Variants in MLLT10 observed in about 807,000 individuals in gnomAD.
The protein encoded by MLLT10 is MLLT10 histone lysine methyltransferase DOT1L cofactor.
In MLLT10, 30 loss-of-function variants were observed where a neutral mutation model predicts 129.1. The observed-to-expected ratio is 0.23, with a 90% CI of 0.17 to 0.32. MLLT10 has a LOEUF of 0.32. Ranked by LOEUF, MLLT10 falls within the 10% of genes least tolerant of loss-of-function variation. The probability of loss-of-function intolerance (pLI) is 1.00; values close to 1 mark genes in which losing one functional copy is unlikely to be tolerated. For missense variants in MLLT10, 1,119 were observed against 1,268.3 expected (o/e 0.88, Z 1.79); for synonymous variants, 490 against 446.4 (o/e 1.10, Z -1.23).
intron 8 of MLLT10, among the ~76,000 whole-genome samples, chr10:21,631,313 CAAAAAAAAAAAAA>C (rs991306894): frequency 2.1e-5 from 1 of 47,778 alleles, no homozygotes; most frequent in African/African-American, 6.8e-5. Context: ...GACTCCGTCT[CAAAAAAAAAAAAA>C]AAAAAAAAAG....
chr10:21,691,659 CAT>C (rs1400060022), intron 13 of MLLT10, among the ~76,000 whole-genome samples: 1 of 151,762 alleles, frequency 6.6e-6, no homozygotes, highest in African/African-American at 2.4e-5. Context: ...GCATAATAAA[CAT>C]AAGACATGAG....
rs757789787 is a variant in MLLT10, at chr10:21,742,007, G to GTTGTT, written c.*24_*25insTTGTT. The GTTGTT allele has an allele frequency of 7.2e-5, 116 of 1,610,610 alleles. No homozygotes were observed. In the African/African-American group the frequency reaches 1.4e-3, roughly 20 times the overall value. On this transcript the variant is annotated 3_prime_UTR_variant, in exon 23 of 23. Coordinates refer to ENST00000307729, the MANE Select transcript of MLLT10 (RefSeq NM_001195626.3). ...GACACCTGAGAAACATCTAGAAATT[G>GTTGTT]CCTATCCTGCTGTTCTAGCACTTCA...
At chr10:21,670,060 T>C (rs1249651185) in intron 9 of MLLT10, among the ~76,000 whole-genome samples, 2 of 152,144 alleles carry the variant, frequency 1.3e-5, no homozygotes, top group African/African-American at 4.8e-5. Flanking sequence ...CCTTCCTGTG[T>C]TGAATACTAA....
At chr10:21,641,490 G>C (rs547959265) in intron 8 of MLLT10, among the ~76,000 whole-genome samples, 2 of 152,112 alleles carry the variant, frequency 1.3e-5, no homozygotes, top group Non-Finnish European at 2.9e-5. Context: ...CTGTATAGAA[G>C]AACAACAGCA....
At chr10:21,605,976 G>A (rs1212378203) in intron 5 of MLLT10, among the ~76,000 whole-genome samples, 1 of 152,040 alleles carries the variant, frequency 6.6e-6, no homozygotes, top group Non-Finnish European at 1.5e-5. Flanking sequence ...GAGTAAGCAA[G>A]TCTATCGGTT....
At position 21,716,416 on chromosome 10, in the gene MLLT10, G is replaced by T. The variant is rs147800057; in HGVS notation, c.1878+2466G>T. Among the ~76,000 whole-genome samples the T allele has an allele frequency of 2.0e-3, 308 of 152,272 alleles. 1 individual carries two copies. Among genetic ancestry groups the T allele is most frequent in the African/African-American group, 7.0e-3 (290 of 41,548 alleles). On this transcript the variant is annotated intron_variant, in intron 14 of 22. Coordinates refer to ENST00000307729, the MANE Select transcript of MLLT10 (RefSeq NM_001195626.3). The stretch of plus-strand genomic sequence containing the variant: ...ATATTTAAAACGTAATTCTAGGCTG[G>T]GCGTGGTGGCTCATGCCTGTAATCC...
At chr10:21,555,733 T>TC (rs2037835886) in intron 3 of MLLT10, among the ~76,000 whole-genome samples, 1 of 151,108 alleles carries the variant, frequency 6.6e-6, no homozygotes, top group Non-Finnish European at 1.5e-5. Flanking sequence ...GCTGGTGTGA[T>TC]CTTGGGTCGC....
chr10:21,599,023 A>G (rs1360469550), intron 5 of MLLT10, among the ~76,000 whole-genome samples: 1 of 152,100 alleles, frequency 6.6e-6, no homozygotes, highest in African/African-American at 2.4e-5. Flanking sequence ...ACTAAAAAAT[A>G]CAAAAATTAG....
chr10:21,726,236 C>A lies in MLLT10; in HGVS notation c.1879-8C>A. 2.6e-6 allele frequency: 4 copies of A among 1,541,262 alleles called. No homozygotes were observed. Among genetic ancestry groups the A allele is most frequent in the Non-Finnish European group, 3.6e-6 (4 of 1,123,906 alleles). The stretch of plus-strand genomic sequence containing the variant: ...AATTCATTTATCATTGTAATTTTTT[C>A]CATTTAGGCAAATACTCTATCTGGA... On this transcript the variant is annotated splice_region_variant and splice_polypyrimidine_tract_variant and intron_variant, in intron 14 of 22. Transcript: ENST00000307729.
At chr10:21,557,001 G>T in intron 3 of MLLT10, 1 of 1,480,552 alleles carries the variant, frequency 6.8e-7, no homozygotes. Context: ...TTCTTACAGG[G>T]TTTTGTTTTA....
intron 8 of MLLT10, among the ~76,000 whole-genome samples, chr10:21,635,566 A>C (rs1170731884): frequency 2.6e-5 from 4 of 151,902 alleles, no homozygotes; most frequent in Non-Finnish European, 5.9e-5. Flanking sequence ...GTGTTTCATC[A>C]TGTTGGCCAG....
At chr10:21,541,589 T>C (rs1191028662) in intron 3 of MLLT10, among the ~76,000 whole-genome samples, 2 of 152,184 alleles carry the variant, frequency 1.3e-5, no homozygotes, top group Non-Finnish European at 2.9e-5. Context: ...TTTCACCATG[T>C]TGGCCAGGCT....
chr10:21,723,680 C>T (rs1175909110), intron 14 of MLLT10, among the ~76,000 whole-genome samples: 1 of 152,148 alleles, frequency 6.6e-6, no homozygotes, highest in African/African-American at 2.4e-5. Context: ...TTTCTCTGCC[C>T]TGTCCTGTGG....
At chr10:21,551,289 CTTTTTTTTTTTTTT>C (rs11461905) in intron 3 of MLLT10, among the ~76,000 whole-genome samples, 27 of 91,966 alleles carry the variant, frequency 2.9e-4, no homozygotes, top group African/African-American at 1.3e-3. Flanking sequence ...CGGATTGTAC[CTTTTTTTTTTTTTT>C]TTTTTTTTTT....
At chr10:21,588,721 G>C (rs1252608699) in intron 4 of MLLT10, among the ~76,000 whole-genome samples, 2 of 151,772 alleles carry the variant, frequency 1.3e-5, no homozygotes, top group Admixed American at 6.6e-5. Context: ...CAGTAGTTTT[G>C]CATTTCTCTT....
chr10:21,729,451 A>AT (rs2057777442), intron 16 of MLLT10, among the ~76,000 whole-genome samples: 1 of 152,228 alleles, frequency 6.6e-6, no homozygotes, highest in African/African-American at 2.4e-5. Context: ...AGCCTAAATT[A>AT]TCCTGGTATA....
chr10:21,682,869 C>T (rs918293779), intron 13 of MLLT10, among the ~76,000 whole-genome samples: 1 of 152,038 alleles, frequency 6.6e-6, no homozygotes, highest in African/African-American at 2.4e-5. Context: ...CTTCAGTTTC[C>T]CCAAAGAACA....
intron 5 of MLLT10, among the ~76,000 whole-genome samples, chr10:21,599,447 C>T (rs2043314217): frequency 6.6e-6 from 1 of 152,146 alleles, no homozygotes; most frequent in African/African-American, 2.4e-5. Flanking sequence ...ATATATTGAA[C>T]TCCATATGCT....
In MLLT10 at chr10:21,539,081, C is replaced by T. The variant is rs2034607496; in HGVS notation, c.240+169C>T. The T allele has an allele frequency of 8.1e-6, 4 of 495,490 alleles. No individual in the cohort carries two copies. In the East Asian group the frequency reaches 1.2e-4, roughly 15 times the overall value. 30.7% of individuals were successfully genotyped at this position (495,490 alleles called of 1,614,324 possible). A position where few individuals can be genotyped will look rare whatever the true frequency, so the allele number is the denominator to read the frequency against. ...GGAGTATTAAACAGATTTTGTAAAA[C>T]TGAAAAACAAATGGAATCAAGTGAG... On this transcript the variant is annotated intron_variant, in intron 3 of 22. Coordinates refer to ENST00000307729, the MANE Select transcript of MLLT10 (RefSeq NM_001195626.3).
Sources: allele counts gnomAD v4.1 joint callset (sites outside exome capture counted in the v4.1 genomes callset), GRCh38; gene constraint gnomAD v4.1.1; transcripts MANE v1.5; gene names NCBI Gene and HGNC (gene_info 2026-07-23, HGNC 2026-07-21).